The following CLCN1 variants were observed in gnomAD, a reference collection of about 807,000 sequenced individuals.
CLCN1 encodes chloride voltage-gated channel 1, also known as chloride channel protein 1.
Under a neutral mutation model 114.5 loss-of-function variants are expected in CLCN1, and 100 were observed. That is an observed-to-expected ratio of 0.87 (90% confidence interval 0.74 to 1.03). CLCN1 has a LOEUF of 1.03. Among genes scored for constraint, CLCN1 ranks in the 50% least tolerant of loss-of-function variants. The pLI is 0.00. For missense variants in CLCN1, 1,188 were observed against 1,250.0 expected, an observed-to-expected ratio of 0.95 and a Z score of 0.75; for synonymous variants, 485 against 487.1, an observed-to-expected ratio of 1.00 and a Z score of 0.06.
intron 1 of CLCN1, 55 bp from the exon 2 acceptor site, chr7:143,319,700 T>C (rs1802374805): frequency 1.0e-5 from 16 of 1,591,220 alleles, no homozygotes; most frequent in African/African-American, 1.3e-5. Context: ...GGCCTCTGTC[T>C]ATTATTTTTT....
chr7:143,320,605 T>TTTTG lies in CLCN1; in HGVS notation c.302-40_302-37dup, dbSNP rs764855488. ...TCTCTCTGTCTCTACATATATATAT[T>TTTTG]TTTGTTTGTTTGTTTGTTTGTTGTT... On this transcript the variant is annotated intron_variant, in intron 2 of 22. Coordinates refer to ENST00000343257, the MANE Select transcript of CLCN1 (RefSeq NM_000083.3). 255 of 1,344,220 alleles carry TTTTG rather than the reference T, an allele frequency of 1.9e-4. No homozygotes were observed. In the East Asian group the frequency reaches 3.7e-3, roughly 20 times the overall value. 83.3% of individuals were successfully genotyped at this position (1,344,220 alleles called of 1,614,324 possible). A position where few individuals can be genotyped will look rare whatever the true frequency, so the allele number is the denominator to read the frequency against.
intron 7 of CLCN1, among the ~76,000 whole-genome samples, chr7:143,328,203 A>T (rs1198093611): frequency 6.7e-6 from 1 of 149,338 alleles, no homozygotes; most frequent in African/African-American, 2.5e-5. Flanking sequence ...GCTCAGGAAC[A>T]TGGCTTTGCT....
At chr7:143,346,113 G>C in intron 17 of CLCN1, 27 bp from the exon 18 acceptor site, 1 of 1,456,840 alleles carries the variant, frequency 6.9e-7, no homozygotes. Context: ...CTGCTCCCAG[G>C]CTGAGACTTC....
chr7:143,341,573 AAT>A (rs1803075078), intron 14 of CLCN1, among the ~76,000 whole-genome samples: 1 of 2,594 alleles, frequency 3.9e-4, no homozygotes, highest in African/African-American at 6.4e-3. Context: ...AATAATAATT[AAT>A]AATAATAATA....
At chr7:143,338,823 CG>C (rs1802996871) in intron 12 of CLCN1, among the ~76,000 whole-genome samples, 1 of 150,744 alleles carries the variant, frequency 6.6e-6, no homozygotes, top group Non-Finnish European at 1.5e-5. Flanking sequence ...AAAAAAAAAC[CG>C]GAGCGCCTTT....
At position 143,330,793 on chromosome 7, in the gene CLCN1, T is replaced by TCACCTC; in HGVS notation, c.881_886dup (p.Ser294_Thr295dup). On this transcript the variant is annotated inframe_insertion, in exon 8 of 23. Transcript: ENST00000343257. ...GCAGGAGTGCTATTTAGCATCGAGG[T>TCACCTC]CACCTCCACCTACTTTGCTGTTCGG... 6.2e-7 allele frequency: 1 copy of TCACCTC among 1,614,156 alleles called. No individual in the cohort carries two copies.
intron 20 of CLCN1, among the ~76,000 whole-genome samples, chr7:143,347,310 A>C (rs1180158143): frequency 6.6e-6 from 1 of 152,048 alleles, no homozygotes; most frequent in Non-Finnish European, 1.5e-5. Context: ...ACAGCAACAT[A>C]GAAGAAGAAC....
intron 19 of CLCN1, 27 bp downstream of exon 19, chr7:143,346,685 A>C (rs766262847): frequency 6.3e-7 from 1 of 1,575,196 alleles, no homozygotes; most frequent in Non-Finnish European, 8.7e-7. Context: ...TTGGGGATAC[A>C]GGGGAAAGGG....
At chr7:143,316,822 TTTC>T (rs1167523693) in intron 1 of CLCN1, among the ~76,000 whole-genome samples, 4 of 152,210 alleles carry the variant, frequency 2.6e-5, no homozygotes, top group African/African-American at 9.7e-5. Context: ...AACATGAATC[TTTC>T]TGCAGAAGGC....
chr7:143,321,424 G>A lies in CLCN1; in HGVS notation c.493G>A (p.Val165Ile). 1 of 1,614,186 alleles carries A rather than the reference G, an allele frequency of 6.2e-7. No individual in the cohort carries two copies. Among genetic ancestry groups the A allele is most frequent in the Non-Finnish European group, 8.5e-7 (1 of 1,180,038 alleles). The stretch of plus-strand genomic sequence containing the variant: ...CCTTCCTCTGCAGTTCCTGGTCTGG[G>A]TCACCTTCCCACTAGTCCTCATCCT... ...PSLPLQFLVW[V>I]TFPLVLILFS... Residue 165 changes from valine (V) to isoleucine (I), a missense_variant, in exon 4 of 23, where the codon GTC becomes ATC. Val to Ile is a conservative substitution (Grantham distance 29). Transcript: ENST00000343257. This position sits in a 1 kb window ranked among gnomAD's most constrained non-coding sequence, Gnocchi z 4.2.
At chr7:143,337,341 T>C (rs1563082282) in intron 12 of CLCN1, among the ~76,000 whole-genome samples, 1 of 152,216 alleles carries the variant, frequency 6.6e-6, no homozygotes, top group Non-Finnish European at 1.5e-5. Flanking sequence ...GGATTCTCAG[T>C]CTCTATTCTC....
In CLCN1 at chr7:143,320,685, A is replaced by T; in HGVS notation, c.323A>T (p.Gln108Leu). The T allele has an allele frequency of 6.2e-7, 1 of 1,613,376 alleles. No individual in the cohort carries two copies. The highest frequency in any genetic ancestry group is 1.7e-5 in the Admixed American group (1 of 59,974). ...CTAGATTGTATCCACCGCCTGGGAC[A>T]GGTGGTGAGAAGAAAATTAGGGGAA... ...KCQDCIHRLG[Q>L]VVRRKLGEDG... Residue 108 changes from glutamine to leucine, a missense_variant, in exon 3 of 23, where the codon CAG becomes CTG. Physicochemically the swap from Gln to Leu is moderately radical, Grantham distance 113. Coordinates refer to ENST00000343257, the MANE Select transcript of CLCN1 (RefSeq NM_000083.3).
At chr7:143,337,577 A>C (rs1405475304) in intron 12 of CLCN1, among the ~76,000 whole-genome samples, 1 of 152,182 alleles carries the variant, frequency 6.6e-6, no homozygotes, top group Non-Finnish European at 1.5e-5. Context: ...GCAATTGCGC[A>C]CAGCTCTAAA....
Position 143,351,784 on chromosome 7 carries a change from C to A in CLCN1, c.2786C>A (p.Thr929Asn), listed in dbSNP as rs777708543. Residue 929 changes from threonine (T) to asparagine (N), a missense_variant, in exon 23 of 23, where the codon ACC (threonine) becomes AAC (asparagine). Transcript: ENST00000343257. Reference sequence around the variant, plus strand: ...GATGTGATTGCTGCCTCCCCAGAGACCCCTGTGCCATCTCCTTCCCCAGAG... The same window carrying A: ...GATGTGATTGCTGCCTCCCCAGAGAACCCTGTGCCATCTCCTTCCCCAGAG... ...TGDVIAASPE[T>N]PVPSPSPEPP... 2.5e-6 allele frequency: 4 copies of A among 1,614,080 alleles called. No homozygotes were observed. The South Asian group carries it at 4.4e-5, about 18-fold the overall frequency.
At position 143,346,246 on chromosome 7, in the gene CLCN1, C is replaced by A. The variant is rs1412792102; in HGVS notation, c.2279C>A (p.Pro760His). 3 of 1,604,746 alleles carry A rather than the reference C, an allele frequency of 1.9e-6. No homozygotes were observed. The highest frequency in any genetic ancestry group is 2.2e-5 in the East Asian group (1 of 44,810). The part of the protein sequence containing the change: ...GHKQQPEAPE[P>H]AGQRPSIFQS... Reference sequence around the variant, plus strand: ...AAACAGCAGCCGGAAGCACCAGAGCCTGCAGGTGACGCTCTTCCCTCATGC... The same window carrying A: ...AAACAGCAGCCGGAAGCACCAGAGCATGCAGGTGACGCTCTTCCCTCATGC... The change falls in exon 18 of 23, where the codon CCT becomes CAT. Residue 760 changes from proline to histidine, a missense_variant. Coordinates refer to ENST00000343257, the MANE Select transcript of CLCN1 (RefSeq NM_000083.3).
At chr7:143,340,182 C>T (rs59158252) in intron 14 of CLCN1, among the ~76,000 whole-genome samples, 66,704 of 152,002 alleles carry the variant, frequency 0.44, 15,201 homozygotes, top group African/African-American at 0.56. Context: ...TCCTCCCTTC[C>T]TCAGCAAAAT....
intron 1 of CLCN1, 125 bp from the exon 2 acceptor site, chr7:143,319,630 T>C: frequency 1.0e-6 from 1 of 967,116 alleles, no homozygotes; most frequent in Non-Finnish European, 1.7e-6. Flanking sequence ...TCACCCTGCA[T>C]GCAGTCAACA....
chr7:143,317,231 C>T (rs928985439), intron 1 of CLCN1, among the ~76,000 whole-genome samples: 3 of 149,074 alleles, frequency 2.0e-5, no homozygotes, highest in Non-Finnish European at 4.4e-5. Context: ...GTCTAGAGGG[C>T]AGTTGGCCAG....
Position 143,323,393 on chromosome 7 carries a change from T to C in CLCN1, c.774+7T>C. ...GTTCTGCGGGGTATATGAGGTAAGG[T>C]TGAGACAGTGAAATGAGCTGGGGCC... On this transcript the variant is annotated splice_region_variant and intron_variant, in intron 6 of 22. Coordinates refer to ENST00000343257, the MANE Select transcript of CLCN1 (RefSeq NM_000083.3). 6.2e-7 allele frequency: 1 copy of C among 1,604,734 alleles called. No individual in the cohort carries two copies. Among genetic ancestry groups the C allele is most frequent in the Non-Finnish European group, 8.5e-7 (1 of 1,171,594 alleles).
Sources: gnomAD v4.1 joint callset for allele counts (sites outside exome capture counted in the v4.1 genomes callset) on GRCh38, gnomAD v4.1.1 for gene constraint, Gnocchi (gnomAD v3.1) non-coding constraint, MANE v1.5 for transcripts, NCBI Gene and HGNC (gene_info 2026-07-23, HGNC 2026-07-21) for gene names.